SNRPD1: variants seen among roughly 807,000 people sequenced by gnomAD.
SNRPD1 encodes small nuclear ribonucleoprotein Sm D1.
In SNRPD1, 1 loss-of-function variant was observed where a neutral mutation model predicts 14.4. The ratio of observed to expected loss-of-function variants is 0.07; its 90% confidence interval spans 0.02 to 0.33. The LOEUF (loss-of-function observed/expected upper bound fraction) is 0.33, where lower values mean the gene tolerates loss of function less well. Among genes scored for constraint, SNRPD1 ranks in the 10% least tolerant of loss-of-function variants. The probability of loss-of-function intolerance (pLI) is 1.00; values close to 1 mark genes in which losing one functional copy is unlikely to be tolerated. For synonymous variants in SNRPD1, 42 were observed against 50.3 expected, an observed-to-expected ratio of 0.83 and a Z score of 0.70; for missense variants, 52 against 146.4, an observed-to-expected ratio of 0.36 and a Z score of 3.33.
At chr18:21,618,627 A>G (rs1415597208) in intron 1 of SNRPD1, among the ~76,000 whole-genome samples, 1 of 152,100 alleles carries the variant, frequency 6.6e-6, no homozygotes, top group Non-Finnish European at 1.5e-5. Context: ...TTGATTGTTA[A>G]ATTTGGAGCT....
In SNRPD1 at chr18:21,612,324, G is replaced by A; in HGVS notation, c.-106G>A. On this transcript the variant is annotated 5_prime_UTR_variant, in exon 1 of 4. Coordinates refer to ENST00000300413, the MANE Select transcript of SNRPD1 (RefSeq NM_006938.4). ...AGTGCTCCGCGCGCTCTTGACGTCC[G>A]GAGCCCCTGGAGTAGGCGCTTCCGG... 2 of 791,010 alleles carry A rather than the reference G, an allele frequency of 2.5e-6. No homozygotes were observed. The highest frequency in any genetic ancestry group is 5.0e-5 in the South Asian group (2 of 39,812). 49.0% of individuals were successfully genotyped at this position (791,010 alleles called of 1,614,324 possible).
Position 21,631,306 on chromosome 18 carries a change from A to T in SNRPD1, c.*2168A>T. On this transcript the variant is annotated 3_prime_UTR_variant, in exon 4 of 4. Coordinates refer to ENST00000300413, the MANE Select transcript of SNRPD1 (RefSeq NM_006938.4). ...CACCACACCCAGCTAATTTTTTTGT[A>T]TTTTTAGTAGAGACGGGGTTTCACC... 7.1e-6 allele frequency: 1 copy of T among 141,436 alleles called. No homozygotes were observed. 8.8% of individuals were successfully genotyped at this position (141,436 alleles called of 1,614,324 possible).
chr18:21,627,834 T>C (rs1260368960), intron 3 of SNRPD1, among the ~76,000 whole-genome samples: 1 of 152,200 alleles, frequency 6.6e-6, no homozygotes, highest in African/African-American at 2.4e-5. Flanking sequence ...GAGACCTTTC[T>C]CACATTTCTC....
chr18:21,613,741 G>A (rs113020151), intron 1 of SNRPD1, among the ~76,000 whole-genome samples: 2 of 150,028 alleles, frequency 1.3e-5, no homozygotes, highest in African/African-American at 4.9e-5. Flanking sequence ...TTTAATCCCA[G>A]CTACTCAGGA....
Position 21,630,946 on chromosome 18 carries a change from T to C in SNRPD1, c.*1808T>C, listed in dbSNP as rs1190519740. On this transcript the variant is annotated 3_prime_UTR_variant, in exon 4 of 4. Transcript: ENST00000300413. ...TATATATTTTTTTAAGTATCTTACC[T>C]CATCAAGTAAATTCAAATGCTTTTT... 1.3e-5 allele frequency: 2 copies of C among 151,296 alleles called. No individual in the cohort carries two copies. Among genetic ancestry groups the C allele is most frequent in the East Asian group, 3.9e-4 (2 of 5,186 alleles). The allele number at this position is 151,296 out of a possible 1,614,324, so 9.4% of individuals were successfully genotyped here.
chr18:21,622,427 A>T (rs781689743), intron 1 of SNRPD1, among the ~76,000 whole-genome samples: 3 of 152,172 alleles, frequency 2.0e-5, no homozygotes, highest in Non-Finnish European at 4.4e-5. Context: ...GGCGTGAGCC[A>T]CCACGCCTGG....
At chr18:21,616,689 CTT>C (rs34166333) in intron 1 of SNRPD1, among the ~76,000 whole-genome samples, 167 of 135,186 alleles carry the variant, frequency 1.2e-3, no homozygotes, top group African/African-American at 2.1e-3. Context: ...CTCTTTAAGT[CTT>C]TTTTTTTTTT....
chr18:21,618,917 G>C (rs1173812228), intron 1 of SNRPD1, among the ~76,000 whole-genome samples: 1 of 152,130 alleles, frequency 6.6e-6, no homozygotes, highest in Non-Finnish European at 1.5e-5. Context: ...TAGAGCTTAC[G>C]ATCCCTACCC....
intron 1 of SNRPD1, among the ~76,000 whole-genome samples, chr18:21,619,608 TG>T (rs1233803549): frequency 6.6e-6 from 1 of 151,676 alleles, no homozygotes; most frequent in African/African-American, 2.4e-5. Context: ...GGTGAAACCC[TG>T]TCTCTACTAA....
chr18:21,629,464 T>C lies in SNRPD1; in HGVS notation c.*326T>C, dbSNP rs1309448609. 4.6e-6 allele frequency: 1 copy of C among 216,814 alleles called. No individual in the cohort carries two copies. Among genetic ancestry groups the C allele is most frequent in the Non-Finnish European group, 9.3e-6 (1 of 107,456 alleles). 13.4% of individuals were successfully genotyped at this position (216,814 alleles called of 1,614,324 possible). A position where few individuals can be genotyped will look rare whatever the true frequency, so the allele number is the denominator to read the frequency against. On this transcript the variant is annotated 3_prime_UTR_variant, in exon 4 of 4. Transcript: ENST00000300413. Reference sequence around the variant, plus strand: ...AATTGAGCAAAGGACAATTCACAAATCAGGTAGCCCCTGAACCATAATAGG... The same window carrying C: ...AATTGAGCAAAGGACAATTCACAAACCAGGTAGCCCCTGAACCATAATAGG...
intron 1 of SNRPD1, among the ~76,000 whole-genome samples, chr18:21,613,682 C>A (rs955038785): frequency 2.0e-5 from 3 of 151,726 alleles, no homozygotes; most frequent in African/African-American, 7.3e-5. Flanking sequence ...TGGTGAAACC[C>A]CGTCTCTACG....
chr18:21,622,155 T>A (rs1009283722), intron 1 of SNRPD1, among the ~76,000 whole-genome samples: 1 of 152,054 alleles, frequency 6.6e-6, no homozygotes, highest in Non-Finnish European at 1.5e-5. Flanking sequence ...TTTTTTTTTT[T>A]TTGAGACGGA....
rs200819984 is a variant in SNRPD1, at chr18:21,612,414, T to A, written c.-16T>A. The A allele has an allele frequency of 3.1e-4, 475 of 1,551,338 alleles. No homozygotes were observed. The highest frequency in any genetic ancestry group is 3.0e-4 in the Non-Finnish European group (338 of 1,141,052). ...TCTGTGTGCTGTCGGACCCAGAGGG[T>A]GACGGCGCCGCTAGGATGAAGCTCG... On this transcript the variant is annotated 5_prime_UTR_variant, in exon 1 of 4. Transcript: ENST00000300413.
At chr18:21,613,566 CAG>C (rs2038935425) in intron 1 of SNRPD1, among the ~76,000 whole-genome samples, 2 of 152,094 alleles carry the variant, frequency 1.3e-5, no homozygotes, top group Admixed American at 1.3e-4. Flanking sequence ...CTTCAACACT[CAG>C]GGAGGAGGCC....
In SNRPD1 at chr18:21,632,825, T is replaced by TTTTTC. The variant is rs1192639095; in HGVS notation, c.*3717_*3721dup. 2,128 of 150,686 alleles carry TTTTTC rather than the reference T, an allele frequency of 0.014. 47 individuals are homozygous for TTTTTC. The highest frequency in any genetic ancestry group is 0.038 in the African/African-American group (1,491 of 39,578). The allele number at this position is 150,686 out of a possible 1,614,324, so 9.3% of individuals were successfully genotyped here. On this transcript the variant is annotated 3_prime_UTR_variant, in exon 4 of 4. Transcript: ENST00000300413. ...AGATGTTACATATGAACTTTAGTTT[T>TTTTTC]TTTTCTTTTCTTTTCTTTTCTTTTC...
intron 1 of SNRPD1, among the ~76,000 whole-genome samples, 165 bp downstream of exon 1, chr18:21,612,608 C>T (rs1420013919): frequency 2.0e-5 from 3 of 152,274 alleles, no homozygotes; most frequent in African/African-American, 7.2e-5. Context: ...CCTGGGCTTC[C>T]GCCTGGGTCG....
In SNRPD1 at chr18:21,629,340, G is replaced by T; in HGVS notation, c.*202G>T. The T allele has an allele frequency of 2.1e-6, 1 of 477,518 alleles. No homozygotes were observed. Among genetic ancestry groups the T allele is most frequent in the African/African-American group, 2.0e-5 (1 of 51,196 alleles). 29.6% of individuals were successfully genotyped at this position (477,518 alleles called of 1,614,324 possible). On this transcript the variant is annotated 3_prime_UTR_variant, in exon 4 of 4. Coordinates refer to ENST00000300413, the MANE Select transcript of SNRPD1 (RefSeq NM_006938.4). ...CTACTGGGCAGTTTCATTTTTAGTT[G>T]ATCAGGTTTTAAGTTTTTGAACTAA...
intron 1 of SNRPD1, among the ~76,000 whole-genome samples, chr18:21,615,245 A>AT (rs1359116404): frequency 6.6e-6 from 1 of 152,216 alleles, no homozygotes; most frequent in Admixed American, 6.6e-5. Flanking sequence ...TGTTTTTGAG[A>AT]TTCATCCACA....
intron 1 of SNRPD1, among the ~76,000 whole-genome samples, chr18:21,621,301 T>C (rs2038996127): frequency 6.6e-6 from 1 of 152,176 alleles, no homozygotes; most frequent in Non-Finnish European, 1.5e-5. Flanking sequence ...GGGTTTGTAA[T>C]GGGAAAAAAT....
Sources: allele counts gnomAD v4.1 joint callset (sites outside exome capture counted in the v4.1 genomes callset), GRCh38; gene constraint gnomAD v4.1.1; transcripts MANE v1.5; gene names NCBI Gene and HGNC (gene_info 2026-07-23, HGNC 2026-07-21).